Variants in RPN2 observed in about 807,000 individuals in gnomAD.
RPN2 encodes the protein ribophorin II.
A neutral mutation model predicts 71.4 loss-of-function variants in RPN2; 29 were observed. The ratio of observed to expected loss-of-function variants is 0.41; its 90% CI spans 0.30 to 0.55. The LOEUF (loss-of-function observed/expected upper bound fraction) is 0.55. Ranked by LOEUF, RPN2 falls within the 20% of genes least tolerant of loss-of-function variation. The pLI, the probability that RPN2 is intolerant of heterozygous loss-of-function variation, is 0.35. For synonymous variants in RPN2, 308 were observed against 305.0 expected, an observed-to-expected ratio of 1.01 and a Z score of -0.10; for missense variants, 726 against 774.1, an observed-to-expected ratio of 0.94 and a Z score of 0.74.
intron 10 of RPN2, among the ~76,000 whole-genome samples, chr20:37,224,226 G>A (rs193026343): frequency 6.6e-5 from 10 of 152,300 alleles, no homozygotes; most frequent in Admixed American, 2.6e-4. Flanking sequence ...GAGGTAAAGC[G>A]CTTACCTCAG....
chr20:37,179,464 C>T (rs1418871686), intron 1 of RPN2, 95 bp downstream of exon 1: 3 of 1,424,696 alleles, frequency 2.1e-6, no homozygotes, highest in Non-Finnish European at 1.9e-6. Context: ...TCCCCTTCCC[C>T]TGCGGGACAG....
chr20:37,190,225 T>TA (rs2067111851), intron 2 of RPN2, among the ~76,000 whole-genome samples: 1 of 152,196 alleles, frequency 6.6e-6, no homozygotes, highest in Non-Finnish European at 1.5e-5. Context: ...GTTGAACACA[T>TA]ACCCCCAAAG....
chr20:37,201,764 G>T lies in RPN2; in HGVS notation c.480-2121G>T, dbSNP rs1018970264. 7.2e-5 allele frequency among the ~76,000 whole-genome samples: 11 copies of T among 152,242 alleles called. 1 individual carries two copies. The South Asian group carries it at 2.3e-3, about 32-fold the overall frequency. On this transcript the variant is annotated intron_variant, in intron 4 of 16. Transcript: ENST00000237530. ...TTACTACTAATTTGCGCTATTAAAG[G>T]CAAGCTGATATAAATTAGAACTCTT...
Position 37,236,679 on chromosome 20 carries a change from A to T in RPN2, c.1853A>T (p.Asn618Ile). 1 of 1,614,136 alleles carries T rather than the reference A, an allele frequency of 6.2e-7. No homozygotes were observed. The highest frequency in any genetic ancestry group is 8.5e-7 in the Non-Finnish European group (1 of 1,179,972). Residue 618 changes from asparagine to isoleucine, a missense_variant, in exon 16 of 17, where the codon AAT (asparagine) becomes ATT (isoleucine). Transcript: ENST00000237530. Reference sequence around the variant, plus strand: ...GGCAGTGTGACGTTTCTGGCTGGCAATCGGATGCTGGCCCAGCAGGCAGTC... The same window carrying T: ...GGCAGTGTGACGTTTCTGGCTGGCATTCGGATGCTGGCCCAGCAGGCAGTC... ...ILGSVTFLAG[N>I]RMLAQQAVKR...
At chr20:37,185,739 T>A (rs2066992261) in intron 2 of RPN2, among the ~76,000 whole-genome samples, 1 of 152,232 alleles carries the variant, frequency 6.6e-6, no homozygotes, top group Non-Finnish European at 1.5e-5. Context: ...GTGATCCTCC[T>A]GTCTCAGCTT....
intron 13 of RPN2, among the ~76,000 whole-genome samples, chr20:37,231,269 C>T (rs899329515): frequency 2.6e-5 from 4 of 151,906 alleles, no homozygotes; most frequent in East Asian, 1.9e-4. Flanking sequence ...TGGGCCTAAA[C>T]GGAGGTCTCC....
At position 37,239,371 on chromosome 20, in the gene RPN2, A is replaced by AGG. The variant is rs2068490840; in HGVS notation, c.1884-1929_1884-1928dup. ...ACCCCTGCCCTAGACCAACAAAGGG[A>AGG]GGGGAGGTATTTGAATTTTCAAGTC... is the stretch of plus-strand genomic sequence containing the variant. On this transcript the variant is annotated intron_variant, in intron 16 of 16. Coordinates refer to ENST00000237530, the MANE Select transcript of RPN2 (RefSeq NM_002951.5). Among the ~76,000 whole-genome samples, 3 of 152,268 alleles carry AGG rather than the reference A, an allele frequency of 2.0e-5. 1 individual carries two copies. Among genetic ancestry groups the AGG allele is most frequent in the South Asian group, 2.1e-4 (1 of 4,820 alleles).
intron 2 of RPN2, among the ~76,000 whole-genome samples, chr20:37,195,353 T>G (rs2067232658): frequency 1.3e-5 from 2 of 152,176 alleles, no homozygotes; most frequent in Admixed American, 1.3e-4. Context: ...CTTTGCAAAG[T>G]GTAGGAATGA....
At chr20:37,231,714 T>TAAAAAAAA (rs146042631) in intron 13 of RPN2, among the ~76,000 whole-genome samples, 17,318 of 145,326 alleles carry the variant, frequency 0.12, 1,075 homozygotes, top group African/African-American at 0.14. Context: ...CCTGTCTCTT[T>TAAAAAAAA]AAAAAAAAGA....
chr20:37,185,087 G>A (rs1276507590), intron 2 of RPN2, among the ~76,000 whole-genome samples: 1 of 151,902 alleles, frequency 6.6e-6, no homozygotes, highest in African/African-American at 2.4e-5. Context: ...ACATGTTTTT[G>A]GACTTCTGGT....
At position 37,223,867 on chromosome 20, in the gene RPN2, T is replaced by C; in HGVS notation, c.1093-11T>C. 1.2e-6 allele frequency: 2 copies of C among 1,612,518 alleles called. No homozygotes were observed. Among genetic ancestry groups the C allele is most frequent in the East Asian group, 4.5e-5 (2 of 44,878 alleles). On this transcript the variant is annotated splice_polypyrimidine_tract_variant and intron_variant, in intron 9 of 16. Coordinates refer to ENST00000237530, the MANE Select transcript of RPN2 (RefSeq NM_002951.5). The stretch of plus-strand genomic sequence containing the variant: ...ATTGACCTGGCAACTGTCTTCTCTA[T>C]TTTCCTCTAGCTCAGAGTCAAGATC...
Position 37,225,782 on chromosome 20 carries a change from G to A in RPN2, c.1279G>A (p.Ala427Thr), listed in dbSNP as rs2068061337. ...FFQLVDVNTG[A>T]ELTPHQTFVR... is the part of the protein sequence containing the mutation. ...CCAGCTGGTAGATGTGAACACTGGTGCTGAACTCACTCCTCACCAGGTCAG... is the reference window on the plus strand; with the variant it reads ...CCAGCTGGTAGATGTGAACACTGGTACTGAACTCACTCCTCACCAGGTCAG... Residue 427 changes from alanine (A) to threonine (T), a missense_variant, in exon 11 of 17, where the codon GCT becomes ACT. Transcript: ENST00000237530. 3 of 1,613,274 alleles carry A rather than the reference G, an allele frequency of 1.9e-6. No homozygotes were observed. The highest frequency in any genetic ancestry group is 1.7e-6 in the Non-Finnish European group (2 of 1,179,240).
intron 1 of RPN2, 108 bp from the exon 2 acceptor site, chr20:37,184,072 C>T: frequency 7.4e-7 from 1 of 1,346,800 alleles, no homozygotes. Context: ...ATTCCCTCGC[C>T]CTTCCCCATG....
chr20:37,228,797 C>CTGGTGGCTCTTTTTCA (rs748563809), intron 12 of RPN2, 53 bp downstream of exon 12: 2 of 1,569,544 alleles, frequency 1.3e-6, no homozygotes, highest in Non-Finnish European at 1.7e-6. Flanking sequence ...GCCCCAGGCA[C>CTGGTGGCTCTTTTTCA]TGGTGGCTCT....
At chr20:37,221,549 T>A (rs951963960) in intron 9 of RPN2, among the ~76,000 whole-genome samples, 5 of 152,238 alleles carry the variant, frequency 3.3e-5, no homozygotes. Flanking sequence ...GCATGTATCT[T>A]TCTTTATTTA....
At chr20:37,189,090 C>T (rs956933217) in intron 2 of RPN2, among the ~76,000 whole-genome samples, 4 of 152,090 alleles carry the variant, frequency 2.6e-5, no homozygotes, top group African/African-American at 4.8e-5. Context: ...TTCTCCACCA[C>T]GCCTGGCTAA....
At chr20:37,238,888 G>A (rs1256975115) in intron 16 of RPN2, 2 of 515,258 alleles carry the variant, frequency 3.9e-6, no homozygotes, top group South Asian at 1.4e-5. Flanking sequence ...CCGATCTCTA[G>A]TTGGGCTAAA....
At chr20:37,198,978 C>G in intron 3 of RPN2, 72 bp from the exon 4 acceptor site, 30 of 1,248,130 alleles carry the variant, frequency 2.4e-5, no homozygotes, top group Non-Finnish European at 3.4e-5. Flanking sequence ...GCTCCGCATT[C>G]TGTCTTTGCC....
At chr20:37,221,494 G>A (rs1196037897) in intron 9 of RPN2, among the ~76,000 whole-genome samples, 1 of 152,082 alleles carries the variant, frequency 6.6e-6, no homozygotes, top group Non-Finnish European at 1.5e-5. Context: ...CACCACGCCC[G>A]GCCTAGTCTG....
Sources: allele counts gnomAD v4.1 joint callset (sites outside exome capture counted in the v4.1 genomes callset), GRCh38; gene constraint gnomAD v4.1.1; transcripts MANE v1.5; gene names NCBI Gene and HGNC (gene_info 2026-07-23, HGNC 2026-07-21).